Variants in THEMIS observed in about 807,000 individuals in gnomAD.
THEMIS encodes thymocyte selection associated, also known as protein THEMIS.
A neutral mutation model predicts 52.6 loss-of-function variants in THEMIS; 37 were observed. That is an observed-to-expected ratio of 0.70 (90% CI 0.54 to 0.93). The LOEUF (loss-of-function observed/expected upper bound fraction) is 0.93, where lower values mean the gene tolerates loss of function less well. THEMIS is among the 40% of genes least tolerant of loss of function. The pLI, the probability that THEMIS is intolerant of heterozygous loss-of-function variation, is 0.00. For missense variants in THEMIS, 808 were observed against 763.1 expected (o/e 1.06, Z -0.69); for synonymous variants, 292 against 272.7 (o/e 1.07, Z -0.70).
At chr6:127,908,417 G>T (rs1012669978) in intron 1 of THEMIS, among the ~76,000 whole-genome samples, 9 of 152,146 alleles carry the variant, frequency 5.9e-5, no homozygotes, top group African/African-American at 1.2e-4. Context: ...CAGTCAAGTA[G>T]ATGAGCCTGC....
In THEMIS at chr6:127,813,596, A is replaced by G. The variant is rs749819861; in HGVS notation, c.1045T>C (p.Phe349Leu). The change falls in exon 4 of 6, where the codon TTC (phenylalanine) becomes CTC (leucine). Residue 349 changes from phenylalanine to leucine, a missense_variant. Phe to Leu is a conservative substitution (Grantham distance 22). Transcript: ENST00000368248. The part of the protein sequence containing the change: ...KGKFKRRPRE[F>L]PTAYDLEIAK... ...ATCTCTAGGTCATAGGCCGTTGGGA[A>G]CTCCCTCGGTCGCCGCTTGAACTTG... is the stretch of plus-strand genomic sequence containing the variant. 14 of 1,613,706 alleles carry G rather than the reference A, an allele frequency of 8.7e-6. No individual in the cohort carries two copies. The highest frequency in any genetic ancestry group is 1.7e-4 in the Middle Eastern group (1 of 6,060).
intron 2 of THEMIS, among the ~76,000 whole-genome samples, chr6:127,835,601 A>G (rs889728672): frequency 2.0e-5 from 3 of 152,162 alleles, no homozygotes; most frequent in African/African-American, 7.2e-5. Flanking sequence ...ATTCTAAGCC[A>G]TTGTAGGATG....
In THEMIS at chr6:127,801,543, GGAGACACTGAGT is replaced by G. The variant is rs1177074405; in HGVS notation, c.1758+11328_1758+11339del. Among the ~76,000 whole-genome samples the G allele has an allele frequency of 4.6e-5, 7 of 152,112 alleles. 1 individual carries two copies. The South Asian group carries it at 1.5e-3, about 32-fold the overall frequency. ...CGAGTGGGAGGACCCTGAAGAAGCTGGAGACACTGAGTTTCGAAACTCTCATGAACCTTTTTT... is the reference window on the plus strand; with the variant it reads ...CGAGTGGGAGGACCCTGAAGAAGCTGTTCGAAACTCTCATGAACCTTTTTT... On this transcript the variant is annotated intron_variant, in intron 4 of 5. Coordinates refer to ENST00000368248, the MANE Select transcript of THEMIS (RefSeq NM_001010923.3).
At chr6:127,716,828 A>G (rs1774181906) in intron 5 of THEMIS, among the ~76,000 whole-genome samples, 1 of 151,974 alleles carries the variant, frequency 6.6e-6, no homozygotes, top group South Asian at 2.1e-4. Flanking sequence ...TAAGATGGGG[A>G]AAGAGTCCAT....
upstream of THEMIS, among the ~76,000 whole-genome samples, chr6:127,903,829 A>G (rs760104626): frequency 2.6e-5 from 4 of 151,872 alleles, no homozygotes; most frequent in Non-Finnish European, 4.4e-5. Context: ...ATATTCAAAG[A>G]CTTCTATTTC....
chr6:127,809,421 C>T (rs190870562), intron 4 of THEMIS, among the ~76,000 whole-genome samples: 69 of 152,178 alleles, frequency 4.5e-4, no homozygotes, highest in Admixed American at 2.7e-3. Context: ...ATTCTATAAA[C>T]AATGTATTAA....
intron 4 of THEMIS, among the ~76,000 whole-genome samples, chr6:127,722,098 G>A (rs1006141701): frequency 6.6e-6 from 1 of 151,958 alleles, no homozygotes; most frequent in African/African-American, 2.4e-5. Context: ...CAAACCTCTG[G>A]CACACTGGAC....
intron 3 of THEMIS, among the ~76,000 whole-genome samples, chr6:127,822,916 G>A (rs1263983626): frequency 2.0e-5 from 3 of 152,104 alleles, no homozygotes; most frequent in Admixed American, 1.3e-4. Flanking sequence ...TGTGCAGCCT[G>A]TCCTACAGAT....
intron 4 of THEMIS, among the ~76,000 whole-genome samples, chr6:127,742,757 G>C (rs1016922502): frequency 5.9e-5 from 9 of 152,070 alleles, no homozygotes; most frequent in Non-Finnish European, 1.3e-4. Context: ...GTGGTTGTCA[G>C]GGGCTGGGGG....
intron 1 of THEMIS, among the ~76,000 whole-genome samples, chr6:127,893,860 A>G (rs953193009): frequency 1.3e-5 from 2 of 152,164 alleles, no homozygotes; most frequent in African/African-American, 4.8e-5. Context: ...CCTTCCACAT[A>G]AAACAAAAAA....
the THEMIS span, among the ~76,000 whole-genome samples, chr6:127,697,629 A>T: frequency 6.6e-6 from 1 of 152,156 alleles, no homozygotes; most frequent in Non-Finnish European, 1.5e-5. Context: ...CCTTGGTCCC[A>T]CTGAACATGT....
At chr6:127,859,460 T>C (rs562985993) in intron 1 of THEMIS, among the ~76,000 whole-genome samples, 76 of 152,078 alleles carry the variant, frequency 5.0e-4, no homozygotes, top group Admixed American at 9.2e-4. Flanking sequence ...CTTAACTATA[T>C]GTATACCTCC....
intron 4 of THEMIS, among the ~76,000 whole-genome samples, chr6:127,783,848 A>C (rs2114491649): frequency 6.6e-6 from 1 of 152,316 alleles, no homozygotes; most frequent in East Asian, 1.9e-4. Flanking sequence ...AGGATCTAGA[A>C]CCTGAAATAC....
At chr6:127,884,204 T>A (rs1456240831) in intron 1 of THEMIS, among the ~76,000 whole-genome samples, 1 of 152,160 alleles carries the variant, frequency 6.6e-6, no homozygotes, top group Admixed American at 6.6e-5. Flanking sequence ...CTGCACTTTG[T>A]CCATACTTCC....
At chr6:127,892,913 A>G (rs1225945470) in intron 1 of THEMIS, among the ~76,000 whole-genome samples, 1 of 152,122 alleles carries the variant, frequency 6.6e-6, no homozygotes, top group Non-Finnish European at 1.5e-5. Flanking sequence ...ATTTTTTAAT[A>G]TTAGTATGGT....
intron 4 of THEMIS, among the ~76,000 whole-genome samples, chr6:127,752,967 A>T (rs2114345879): frequency 6.6e-6 from 1 of 151,998 alleles, no homozygotes; most frequent in South Asian, 2.1e-4. Flanking sequence ...AAAATCATTC[A>T]CTATGAGCAA....
At chr6:127,721,334 G>T (rs1774356026) in intron 4 of THEMIS, among the ~76,000 whole-genome samples, 1 of 152,026 alleles carries the variant, frequency 6.6e-6, no homozygotes, top group Non-Finnish European at 1.5e-5. Flanking sequence ...AGCATTGTAT[G>T]CTGACGGATA....
In THEMIS at chr6:127,842,760, G is replaced by T. The variant is rs1779091419; in HGVS notation, c.250+12270C>A. Among the ~76,000 whole-genome samples, 3 of 152,054 alleles carry T rather than the reference G, an allele frequency of 2.0e-5. No homozygotes were observed. The South Asian group carries it at 6.2e-4, about 32-fold the overall frequency. On this transcript the variant is annotated intron_variant, in intron 2 of 5. Transcript: ENST00000368248. ...ATATAATTTTTCTTGGAGGGCAAAA[G>T]TTGGCAGTTCGCCAGCAACCCCTTA... is the stretch of plus-strand genomic sequence containing the variant.
At chr6:127,721,138 T>C (rs1562213657) in intron 4 of THEMIS, among the ~76,000 whole-genome samples, 2 of 151,964 alleles carry the variant, frequency 1.3e-5, no homozygotes. Flanking sequence ...GAACATGAGA[T>C]GGGCAGAGTT....
Sources: allele counts gnomAD v4.1 joint callset (sites outside exome capture counted in the v4.1 genomes callset), GRCh38; gene constraint gnomAD v4.1.1; transcripts MANE v1.5; gene names NCBI Gene and HGNC (gene_info 2026-07-23, HGNC 2026-07-21).